The following CNTN6 variants were observed in gnomAD, a reference collection of about 807,000 sequenced individuals.
CNTN6 encodes contactin 6.
In CNTN6, 137 loss-of-function variants were observed where a neutral mutation model predicts 122.8. The ratio of observed to expected loss-of-function variants is 1.12; its 90% CI spans 0.97 to 1.29. The LOEUF is 1.29. Among genes scored for constraint, CNTN6 ranks in the 50% most tolerant of loss-of-function variants. The probability of loss-of-function intolerance (pLI) is 0.00; values close to 1 mark genes in which losing one functional copy is unlikely to be tolerated. For synonymous variants in CNTN6, 570 were observed against 426.0 expected (o/e 1.34, Z -4.16); for missense variants, 1,634 against 1,223.4 (o/e 1.34, Z -5.01).
At chr3:1,293,820 C>CAT (rs1454392345) in intron 5 of CNTN6, among the ~76,000 whole-genome samples, 2 of 152,182 alleles carry the variant, frequency 1.3e-5, no homozygotes, top group Non-Finnish European at 2.9e-5. Context: ...CTTCCCTAGA[C>CAT]ATAGTTCTAC....
chr3:1,187,345 G>C (rs1253807589), intron 2 of CNTN6, among the ~76,000 whole-genome samples: 1 of 152,124 alleles, frequency 6.6e-6, no homozygotes, highest in African/African-American at 2.4e-5. Flanking sequence ...AGCCAATGAG[G>C]ATGAAATAAT....
intron 2 of CNTN6, among the ~76,000 whole-genome samples, chr3:1,218,020 AG>A (rs1268060205): frequency 1.3e-5 from 2 of 152,148 alleles, no homozygotes; most frequent in Non-Finnish European, 2.9e-5. Context: ...GAGCTGAGTG[AG>A]GTAGGCATCC....
chr3:1,138,163 G>A (rs148587671), intron 1 of CNTN6, among the ~76,000 whole-genome samples: 4 of 152,260 alleles, frequency 2.6e-5, no homozygotes, highest in South Asian at 4.1e-4. Context: ...CGTGATGCTC[G>A]GAAGAGAACA....
In CNTN6 at chr3:1,235,745, C is replaced by T. The variant is rs367952207; in HGVS notation, c.358+7752C>T. Among the ~76,000 whole-genome samples the T allele has an allele frequency of 4.6e-5, 7 of 152,086 alleles. No individual in the cohort carries two copies. In the East Asian group the frequency reaches 7.7e-4, roughly 17 times the overall value. The stretch of plus-strand genomic sequence containing the variant: ...AAGAACTGGATCACCGCTGCAGGCT[C>T]CCTGAGATGCAGAAAAACTGTGAGT... On this transcript the variant is annotated intron_variant, in intron 4 of 22. Coordinates refer to ENST00000446702, the MANE Select transcript of CNTN6 (RefSeq NM_001289080.2).
At chr3:1,395,151 T>A (rs1694829579) in intron 20 of CNTN6, among the ~76,000 whole-genome samples, 1 of 152,180 alleles carries the variant, frequency 6.6e-6, no homozygotes, top group Admixed American at 6.5e-5. Flanking sequence ...CAAGTCTCCA[T>A]CCCTTTGCAT....
rs568847980 is a variant in CNTN6 at position 1,264,131 on chromosome 3, G to T, written c.359-14282G>T. ...ATCATATGGGGCTTTAAGTAATTTAGTAAACTATTTAAAGTCATCTTTATT... is the reference window on the plus strand; with the variant it reads ...ATCATATGGGGCTTTAAGTAATTTATTAAACTATTTAAAGTCATCTTTATT... On this transcript the variant is annotated intron_variant, in intron 4 of 22. Coordinates refer to ENST00000446702, the MANE Select transcript of CNTN6 (RefSeq NM_001289080.2). Among the ~76,000 whole-genome samples the T allele has an allele frequency of 2.6e-5, 4 of 152,174 alleles. No homozygotes were observed. In the East Asian group the frequency reaches 7.7e-4, roughly 29 times the overall value.
intron 9 of CNTN6, 50 bp downstream of exon 9, chr3:1,326,001 T>G (rs769170257): frequency 6.5e-7 from 1 of 1,546,522 alleles, no homozygotes; most frequent in Non-Finnish European, 8.8e-7. Context: ...CTAGGTAAAT[T>G]TTGTTACTAA....
At chr3:1,094,328 C>T (rs912471715) in intron 1 of CNTN6, among the ~76,000 whole-genome samples, 2 of 151,930 alleles carry the variant, frequency 1.3e-5, no homozygotes, top group African/African-American at 2.4e-5. Flanking sequence ...CATAAACATA[C>T]AAAAATACTT....
intron 1 of CNTN6, among the ~76,000 whole-genome samples, chr3:1,109,421 G>C (rs1283958622): frequency 6.6e-6 from 1 of 151,888 alleles, no homozygotes; most frequent in Non-Finnish European, 1.5e-5. Flanking sequence ...AGGCAAAAAA[G>C]AAACACTTTT....
At chr3:1,399,104 T>A (rs1422008441) in intron 20 of CNTN6, among the ~76,000 whole-genome samples, 4 of 152,218 alleles carry the variant, frequency 2.6e-5, no homozygotes, top group Admixed American at 1.3e-4. Flanking sequence ...CGGAAATACA[T>A]AAAACATTCA....
In CNTN6 at chr3:1,280,260, C is replaced by G. The variant is rs73111130; in HGVS notation, c.454+1752C>G. On this transcript the variant is annotated intron_variant, in intron 5 of 22. Coordinates refer to ENST00000446702, the MANE Select transcript of CNTN6 (RefSeq NM_001289080.2). ...TTAAAAGGCAGCCAGACAGGAGACG[C>G]TTGTCCTTGTTACCTTGTCACCTAT... Among the ~76,000 whole-genome samples the G allele has an allele frequency of 3.9e-3, 600 of 152,144 alleles. 4 individuals carry two copies. Among genetic ancestry groups the G allele is most frequent in the African/African-American group, 0.014 (576 of 41,506 alleles).
chr3:1,244,026 T>A lies in CNTN6; in HGVS notation c.358+16033T>A, dbSNP rs962827564. Among the ~76,000 whole-genome samples, 5 of 152,118 alleles carry A rather than the reference T, an allele frequency of 3.3e-5. No individual in the cohort carries two copies. In the South Asian group the frequency reaches 1.0e-3, roughly 32 times the overall value. On this transcript the variant is annotated intron_variant, in intron 4 of 22. Transcript: ENST00000446702. ...CTGGACGTAAGGCACCTCAGACCAT[T>A]TGCCCATTTTTCGACAAAAATTATT...
chr3:1,224,698 C>G (rs1167778641), intron 3 of CNTN6, among the ~76,000 whole-genome samples: 1 of 152,128 alleles, frequency 6.6e-6, no homozygotes, highest in Non-Finnish European at 1.5e-5. Flanking sequence ...CACAAACACA[C>G]ACATATTACG....
chr3:1,281,975 T>C (rs1281232746), intron 5 of CNTN6, among the ~76,000 whole-genome samples: 2 of 119,726 alleles, frequency 1.7e-5, no homozygotes, highest in East Asian at 3.0e-4. Context: ...GTGTGATATA[T>C]ATAGGTATAC....
At chr3:1,273,436 C>G (rs150176228) in intron 4 of CNTN6, among the ~76,000 whole-genome samples, 74 of 152,250 alleles carry the variant, frequency 4.9e-4, no homozygotes, top group African/African-American at 1.8e-3. Context: ...AGAAAATATT[C>G]GCTGGATGCT....
At chr3:1,126,724 G>A (rs2092174354) in intron 1 of CNTN6, among the ~76,000 whole-genome samples, 1 of 151,768 alleles carries the variant, frequency 6.6e-6, no homozygotes, top group South Asian at 2.1e-4. Flanking sequence ...TTTATTGACT[G>A]GAAACAATGT....
rs1162653783 is a variant in CNTN6, at chr3:1,384,782, T to C, written c.2518-829T>C. ...ATACATATATATACACATATATATA[T>C]ATATATATATATATACACACACACA... On this transcript the variant is annotated intron_variant, in intron 19 of 22. Transcript: ENST00000446702. Among the ~76,000 whole-genome samples the C allele has an allele frequency of 2.0e-3, 263 of 132,118 alleles. 5 individuals are homozygous for C. The highest frequency in any genetic ancestry group is 6.8e-3 in the African/African-American group (242 of 35,550). 86.7% of individuals were successfully genotyped at this position (132,118 alleles called of 152,430 possible).
At chr3:1,127,110 C>T (rs903903279) in intron 1 of CNTN6, among the ~76,000 whole-genome samples, 21 of 151,334 alleles carry the variant, frequency 1.4e-4, no homozygotes, top group Non-Finnish European at 1.5e-4. Context: ...TTTATACATG[C>T]TTCTGTAAAA....
rs543755245 is a variant in CNTN6 at position 1,319,562 on chromosome 3, ATAAC to A, written c.762-2084_762-2081del. 2.0e-3 allele frequency among the ~76,000 whole-genome samples: 299 copies of A among 151,734 alleles called. 1 individual carries two copies. Among genetic ancestry groups the A allele is most frequent in the African/African-American group, 6.0e-3 (249 of 41,482 alleles). On this transcript the variant is annotated intron_variant, in intron 7 of 22. Coordinates refer to ENST00000446702, the MANE Select transcript of CNTN6 (RefSeq NM_001289080.2). ...ACTTCTGTCTTCACAATCAATATAA[ATAAC>A]TAAGAGCAGAGGGAAAAATACACAA...
Sources: allele counts gnomAD v4.1 joint callset (sites outside exome capture counted in the v4.1 genomes callset), GRCh38; gene constraint gnomAD v4.1.1; transcripts MANE v1.5; gene names NCBI Gene and HGNC (gene_info 2026-07-23, HGNC 2026-07-21).